The following CDH13 variants were observed in gnomAD, a reference collection of about 807,000 sequenced individuals.
CDH13 encodes cadherin 13.
In CDH13, 24 loss-of-function variants were observed where a neutral mutation model predicts 63.8. That is an observed-to-expected ratio of 0.38 (90% CI 0.27 to 0.53). CDH13 has a LOEUF of 0.53. CDH13 is among the 20% of genes least tolerant of loss of function. CDH13 has a pLI of 0.85. For synonymous variants in CDH13, 503 were observed against 355.3 expected (o/e 1.42, Z -4.67); for missense variants, 1,049 against 903.1 (o/e 1.16, Z -2.07).
At chr16:82,627,337 C>CTTGTGTGTGTGT (rs1361611702) in intron 1 of CDH13, among the ~76,000 whole-genome samples, 200 bp downstream of exon 1, 7 of 131,184 alleles carry the variant, frequency 5.3e-5, no homozygotes, top group African/African-American at 2.0e-4. Context: ...CTCTGGCGTG[C>CTTGTGTGTGTGT]GTGTGTGTGT....
intron 3 of CDH13, among the ~76,000 whole-genome samples, chr16:83,092,644 C>G (rs9319582): frequency 0.012 from 1,897 of 152,262 alleles, 54 homozygotes; most frequent in African/African-American, 0.044. Flanking sequence ...AAAGGGAAAA[C>G]TGCTATCCCT....
In CDH13 at chr16:83,602,463, A is replaced by C. The variant is rs948193383; in HGVS notation, c.970A>C (p.Asn324His). The stretch of plus-strand genomic sequence containing the variant: ...TGCTTGTGCTTTGTAGACTCTGGAA[A>C]ATCCCAAGTATGAACTGATCATCGA... ...PALLDRETLE[N>H]PKYELIIEAQ... Residue 324 changes from asparagine to histidine, a missense_variant, in exon 8 of 14, where the codon AAT (asparagine) becomes CAT (histidine). Coordinates refer to ENST00000567109, the MANE Select transcript of CDH13 (RefSeq NM_001257.5). The C allele has an allele frequency of 3.1e-6, 5 of 1,613,900 alleles. No homozygotes were observed. The African/African-American group carries it at 6.7e-5, about 22-fold the overall frequency.
rs114515360 is a variant in CDH13, at chr16:83,216,139, C to T, written c.484-1206C>T. 9.4e-3 allele frequency among the ~76,000 whole-genome samples: 1,435 copies of T among 151,996 alleles called. 21 individuals are homozygous for T. Among genetic ancestry groups the T allele is most frequent in the African/African-American group, 0.032 (1,341 of 41,466 alleles). On this transcript the variant is annotated intron_variant, in intron 4 of 13. Transcript: ENST00000567109. ...TGTTCCCTCTGCCTGGAACTACTCTCCTCCACCTTTCCCTTCCAAATTTAT... is the reference window on the plus strand; with the variant it reads ...TGTTCCCTCTGCCTGGAACTACTCTTCTCCACCTTTCCCTTCCAAATTTAT...
At position 83,047,721 on chromosome 16, in the gene CDH13, T is replaced by C. The variant is rs958040760; in HGVS notation, c.366+15503T>C. On this transcript the variant is annotated intron_variant, in intron 3 of 13. Coordinates refer to ENST00000567109, the MANE Select transcript of CDH13 (RefSeq NM_001257.5). This position sits in a 1 kb window ranked among gnomAD's most constrained non-coding sequence, Gnocchi z 4.9. ...AATTTCTTAATGACTTAGCAAATGC[T>C]GGAGACAGAATGAATATTGATATTA... Among the ~76,000 whole-genome samples the C allele has an allele frequency of 3.3e-5, 5 of 152,248 alleles. No individual in the cohort carries two copies. Among genetic ancestry groups the C allele is most frequent in the Admixed American group, 3.3e-4 (5 of 15,278 alleles).
chr16:82,815,642 G>A (rs1323366275), intron 1 of CDH13, among the ~76,000 whole-genome samples: 2 of 152,086 alleles, frequency 1.3e-5, no homozygotes, highest in Non-Finnish European at 2.9e-5. Context: ...ATGCTGCTTC[G>A]TTTGTAGTTT....
Position 83,527,972 on chromosome 16 carries a change from C to T in CDH13, c.960+41317C>T, listed in dbSNP as rs192879483. 1.3e-3 allele frequency among the ~76,000 whole-genome samples: 202 copies of T among 152,286 alleles called. 1 individual carries two copies. The highest frequency in any genetic ancestry group is 3.4e-3 in the Middle Eastern group (1 of 294). ...ATTAGAGATCTTCCTCGAATGAGTT[C>T]GGTGACTTTCTAAGGGCACGCAGGG... On this transcript the variant is annotated intron_variant, in intron 7 of 13. Coordinates refer to ENST00000567109, the MANE Select transcript of CDH13 (RefSeq NM_001257.5).
intron 10 of CDH13, among the ~76,000 whole-genome samples, chr16:83,737,785 C>G (rs923824561): frequency 3.3e-5 from 5 of 152,196 alleles, no homozygotes; most frequent in African/African-American, 7.2e-5. Flanking sequence ...ATGCCCAACC[C>G]TCGTGGGCTA....
chr16:82,830,627 G>A (rs1430700210), intron 1 of CDH13, among the ~76,000 whole-genome samples: 1 of 152,192 alleles, frequency 6.6e-6, no homozygotes, highest in Non-Finnish European at 1.5e-5. Context: ...ATTAATTTGT[G>A]TTCTTACCTG....
intron 6 of CDH13, among the ~76,000 whole-genome samples, chr16:83,393,943 G>A (rs76438469): frequency 0.11 from 16,086 of 152,174 alleles, 1,088 homozygotes; most frequent in Non-Finnish European, 0.15. Context: ...CATGTCCTGT[G>A]CAGGAACATG....
chr16:83,452,550 C>T (rs572738970), intron 6 of CDH13, among the ~76,000 whole-genome samples: 7 of 152,156 alleles, frequency 4.6e-5, no homozygotes, highest in African/African-American at 1.2e-4. Flanking sequence ...TTGATGTTTT[C>T]GTTGTTGTTT....
chr16:83,567,749 C>G (rs1166585008), intron 7 of CDH13, among the ~76,000 whole-genome samples: 1 of 152,104 alleles, frequency 6.6e-6, no homozygotes, highest in Non-Finnish European at 1.5e-5. Flanking sequence ...GCGCCCGCCA[C>G]CACGCCCGGC....
intron 4 of CDH13, among the ~76,000 whole-genome samples, chr16:83,141,877 T>C (rs575020290): frequency 6.6e-6 from 1 of 152,304 alleles, no homozygotes; most frequent in African/African-American, 2.4e-5. Flanking sequence ...TAGTATTCCA[T>C]GTGCATATGT....
intron 6 of CDH13, among the ~76,000 whole-genome samples, chr16:83,363,222 G>A (rs1397007017): frequency 6.6e-6 from 1 of 152,204 alleles, no homozygotes; most frequent in Admixed American, 6.5e-5. Flanking sequence ...ATTTCTAGAA[G>A]CTGGGAGATG....
intron 10 of CDH13, among the ~76,000 whole-genome samples, chr16:83,701,721 C>T (rs1257747270): frequency 6.6e-6 from 1 of 152,196 alleles, no homozygotes; most frequent in Non-Finnish European, 1.5e-5. Flanking sequence ...AGCCCCACTT[C>T]AGCACCACGG....
At chr16:83,473,171 A>G (rs2073504601) in intron 6 of CDH13, among the ~76,000 whole-genome samples, 1 of 152,082 alleles carries the variant, frequency 6.6e-6, no homozygotes, top group African/African-American at 2.4e-5. Flanking sequence ...ATTTCCATAG[A>G]CTCATAAAGC....
In CDH13 at chr16:83,333,088, A is replaced by G. The variant is rs566663749; in HGVS notation, c.637-11774A>G. Among the ~76,000 whole-genome samples, 9 of 152,246 alleles carry G rather than the reference A, an allele frequency of 5.9e-5. No individual in the cohort carries two copies. The East Asian group carries it at 1.7e-3, about 29-fold the overall frequency. Reference sequence around the variant, plus strand: ...TTTTATAAGGAGATATAAACACCACATCCAGTCTGTCAAGCGGGGGATAAA... The same window carrying G: ...TTTTATAAGGAGATATAAACACCACGTCCAGTCTGTCAAGCGGGGGATAAA... On this transcript the variant is annotated intron_variant, in intron 5 of 13. Coordinates refer to ENST00000567109, the MANE Select transcript of CDH13 (RefSeq NM_001257.5).
intron 1 of CDH13, among the ~76,000 whole-genome samples, chr16:82,842,356 A>C (rs1192171649): frequency 6.6e-6 from 1 of 151,790 alleles, no homozygotes; most frequent in Non-Finnish European, 1.5e-5. Context: ...CAAGGACTAC[A>C]AATGATGGTA....
chr16:83,341,839 C>G (rs1279690974), intron 5 of CDH13, among the ~76,000 whole-genome samples: 1 of 152,146 alleles, frequency 6.6e-6, no homozygotes, highest in African/African-American at 2.4e-5. Flanking sequence ...ACCTCAGAGT[C>G]TGCTATTGCT....
chr16:83,700,217 C>G (rs1312232929), intron 10 of CDH13, among the ~76,000 whole-genome samples: 1 of 152,206 alleles, frequency 6.6e-6, no homozygotes, highest in African/African-American at 2.4e-5. Context: ...TTCTGCTCAG[C>G]ACAATTATTG....
Sources: gnomAD v4.1 joint callset for allele counts (sites outside exome capture counted in the v4.1 genomes callset) on GRCh38, gnomAD v4.1.1 for gene constraint, Gnocchi (gnomAD v3.1) non-coding constraint, MANE v1.5 for transcripts, NCBI Gene and HGNC (gene_info 2026-07-23, HGNC 2026-07-21) for gene names.